Variants in CNTN5 observed in about 807,000 individuals in gnomAD.
CNTN5 encodes contactin-5.
In CNTN5, 77 loss-of-function variants were observed where a neutral mutation model predicts 129.1. That is an observed-to-expected ratio of 0.60 (90% CI 0.50 to 0.72). CNTN5 has a LOEUF of 0.72. CNTN5 is among the 30% of genes least tolerant of loss of function. CNTN5 has a pLI of 0.00. For synonymous variants in CNTN5, 509 were observed against 465.6 expected (o/e 1.09, Z -1.20); for missense variants, 1,478 against 1,328.8 (o/e 1.11, Z -1.75).
intron 2 of CNTN5, among the ~76,000 whole-genome samples, chr11:99,348,982 C>G (rs1455658025): frequency 6.6e-6 from 1 of 152,138 alleles, no homozygotes; most frequent in Non-Finnish European, 1.5e-5. Flanking sequence ...CAACAAAGAT[C>G]CCTACGGTCA....
chr11:100,171,285 G>T (rs548399062), intron 13 of CNTN5, among the ~76,000 whole-genome samples: 1 of 151,916 alleles, frequency 6.6e-6, no homozygotes, highest in East Asian at 1.9e-4. Flanking sequence ...ATCTTGCCCC[G>T]GATGCTATCT....
At chr11:100,219,361 C>A (rs976307415) in intron 15 of CNTN5, among the ~76,000 whole-genome samples, 2 of 152,170 alleles carry the variant, frequency 1.3e-5, no homozygotes, top group Non-Finnish European at 2.9e-5. Context: ...GTAACACAAA[C>A]TTTTGCCATC....
chr11:100,238,408 CAAAA>C (rs201855934), intron 16 of CNTN5, among the ~76,000 whole-genome samples: 1 of 71,324 alleles, frequency 1.4e-5, no homozygotes, highest in East Asian at 4.3e-4. Context: ...CCTCACTTGT[CAAAA>C]AAAAAAAAAA....
At chr11:99,190,890 G>A (rs944591656) in intron 1 of CNTN5, among the ~76,000 whole-genome samples, 2 of 151,560 alleles carry the variant, frequency 1.3e-5, no homozygotes, top group Admixed American at 6.6e-5. Context: ...TTGAATAGAA[G>A]TAGTGAGAAT....
chr11:99,024,187 T>G (rs1426012954), intron 1 of CNTN5, among the ~76,000 whole-genome samples: 1 of 152,136 alleles, frequency 6.6e-6, no homozygotes, highest in African/African-American at 2.4e-5. Flanking sequence ...TGAACTATAT[T>G]CCATCTCCCT....
chr11:99,727,985 C>A (rs923384098), intron 3 of CNTN5, among the ~76,000 whole-genome samples: 1 of 152,078 alleles, frequency 6.6e-6, no homozygotes, highest in Non-Finnish European at 1.5e-5. Flanking sequence ...GATTACTTAA[C>A]CACTATGGTA....
chr11:99,512,048 G>A (rs1946857493), intron 2 of CNTN5, among the ~76,000 whole-genome samples: 1 of 151,998 alleles, frequency 6.6e-6, no homozygotes, highest in African/African-American at 2.4e-5. Context: ...TAGCCTAAAT[G>A]CACAGTGTTT....
chr11:100,002,012 A>G, intron 8 of CNTN5, 22 bp from the exon 9 acceptor site: 1 of 1,462,166 alleles, frequency 6.8e-7, no homozygotes, highest in Non-Finnish European at 9.4e-7. Context: ...TTGATGCTTA[A>G]AGACTATTCT....
At chr11:100,203,463 A>C (rs1948830936) in intron 15 of CNTN5, among the ~76,000 whole-genome samples, 1 of 152,024 alleles carries the variant, frequency 6.6e-6, no homozygotes, top group African/African-American at 2.4e-5. Context: ...TGGACATTAA[A>C]ATCATACCTG....
chr11:100,198,380 C>A (rs916339536), intron 15 of CNTN5, among the ~76,000 whole-genome samples: 4 of 151,046 alleles, frequency 2.6e-5, no homozygotes, highest in African/African-American at 9.8e-5. Context: ...AAGCACTGAG[C>A]TAAGATAGAT....
intron 2 of CNTN5, among the ~76,000 whole-genome samples, chr11:99,442,609 A>G (rs74496680): frequency 0.015 from 2,352 of 152,310 alleles, 39 homozygotes; most frequent in East Asian, 0.11. Context: ...CTATTCGTCT[A>G]TGTATGCTTG....
At chr11:99,476,335 A>T (rs1312734283) in intron 2 of CNTN5, among the ~76,000 whole-genome samples, 1 of 152,098 alleles carries the variant, frequency 6.6e-6, no homozygotes, top group Non-Finnish European at 1.5e-5. Flanking sequence ...TCATTTTAAC[A>T]TCTTACTAAA....
At chr11:99,891,748 G>A (rs1949065738) in intron 6 of CNTN5, among the ~76,000 whole-genome samples, 1 of 152,042 alleles carries the variant, frequency 6.6e-6, no homozygotes, top group African/African-American at 2.4e-5. Context: ...CATTTGGGTT[G>A]GTTCGAAGTC....
At chr11:99,561,105 G>T (rs971700506) in intron 3 of CNTN5, among the ~76,000 whole-genome samples, 1 of 152,072 alleles carries the variant, frequency 6.6e-6, no homozygotes, top group Admixed American at 6.5e-5. Context: ...CTAATTCTAG[G>T]ACTGGGCCAA....
rs145034619 is a variant in CNTN5, at chr11:99,172,539, C to A, written c.-210+151269C>A. 4.1e-4 allele frequency among the ~76,000 whole-genome samples: 63 copies of A among 152,278 alleles called. 1 individual carries two copies. In the East Asian group the frequency reaches 0.01, roughly 25 times the overall value. On this transcript the variant is annotated intron_variant, in intron 1 of 24. Transcript: ENST00000524871. ...AAAATTTTCATTGATACATTAACAT[C>A]TCTGAAGCTCAGTTTTTGTATCTTA...
chr11:99,739,326 C>T (rs183264073), intron 3 of CNTN5, among the ~76,000 whole-genome samples: 154 of 152,158 alleles, frequency 1.0e-3, no homozygotes, highest in African/African-American at 3.5e-3. Flanking sequence ...ATAGGGTTGA[C>T]ACTCAATTAT....
At position 99,556,279 on chromosome 11, in the gene CNTN5, C is replaced by A; in HGVS notation, c.55+10C>A. 2 of 1,494,942 alleles carry A rather than the reference C, an allele frequency of 1.3e-6. No individual in the cohort carries two copies. The highest frequency in any genetic ancestry group is 1.8e-6 in the Non-Finnish European group (2 of 1,108,016). 92.6% of individuals were successfully genotyped at this position (1,494,942 alleles called of 1,614,324 possible). On this transcript the variant is annotated intron_variant, in intron 3 of 24. Transcript: ENST00000524871. ...ACCATGTGTCTTTCAGGTAAAAGTC[C>A]TGATTAATTAATTATTTGATTTTCT... is the stretch of plus-strand genomic sequence containing the variant.
chr11:99,840,423 C>A (rs938091820), intron 4 of CNTN5, among the ~76,000 whole-genome samples: 3 of 151,732 alleles, frequency 2.0e-5, no homozygotes, highest in African/African-American at 7.3e-5. Context: ...GCTTATCAAA[C>A]AATTGAGAAA....
chr11:100,149,217 C>CAAGT (rs1946962587), intron 13 of CNTN5, among the ~76,000 whole-genome samples: 1 of 150,692 alleles, frequency 6.6e-6, no homozygotes, highest in Non-Finnish European at 1.5e-5. Flanking sequence ...TTTTCTGTTC[C>CAAGT]AAGTTTTCAT....
Sources: gnomAD v4.1 joint callset for allele counts (sites outside exome capture counted in the v4.1 genomes callset) on GRCh38, gnomAD v4.1.1 for gene constraint, MANE v1.5 for transcripts, NCBI Gene and HGNC (gene_info 2026-07-23, HGNC 2026-07-21) for gene names.